LEKR1: variants seen among roughly 807,000 people sequenced by gnomAD.
LEKR1 encodes the protein protein LEKR1.
LEKR1 carries 59 observed loss-of-function variants against 72.4 expected under a neutral mutation model. The observed-to-expected ratio is 0.82, with a 90% CI of 0.66 to 1.01. The LOEUF is 1.01. Ranked by LOEUF, LEKR1 falls within the 50% of genes least tolerant of loss-of-function variation. The pLI is 0.00. For missense variants in LEKR1, 728 were observed against 759.2 expected (o/e 0.96, Z 0.48); for synonymous variants, 257 against 263.2 (o/e 0.98, Z 0.23).
chr3:156,941,363 A>T (rs1417089938), intron 5 of LEKR1, among the ~76,000 whole-genome samples: 1 of 151,942 alleles, frequency 6.6e-6, no homozygotes, highest in Non-Finnish European at 1.5e-5. Flanking sequence ...TACATTCGTG[A>T]TCCTCCTCAT....
chr3:156,953,377 C>T (rs1453534072), intron 6 of LEKR1, among the ~76,000 whole-genome samples: 2 of 151,426 alleles, frequency 1.3e-5, no homozygotes, highest in Non-Finnish European at 3.0e-5. Context: ...CTGGGGTACA[C>T]ATGCAGGATG....
At chr3:157,011,282 A>C in intron 9 of LEKR1, 131 bp from the exon 10 acceptor site, 1 of 616,382 alleles carries the variant, frequency 1.6e-6, no homozygotes, top group Non-Finnish European at 2.9e-6. Flanking sequence ...GATATGTAGT[A>C]GCAGCATATA....
At chr3:156,894,946 T>C (rs560301487) in intron 3 of LEKR1, among the ~76,000 whole-genome samples, 8 of 152,030 alleles carry the variant, frequency 5.3e-5, no homozygotes, top group Admixed American at 6.6e-5. Context: ...TAGAAGAAAA[T>C]TGAGGCAATA....
chr3:157,032,599 C>T (rs1022031274), intron 12 of LEKR1, among the ~76,000 whole-genome samples: 4 of 152,040 alleles, frequency 2.6e-5, no homozygotes, highest in African/African-American at 9.7e-5. Context: ...CCAAAGCTTA[C>T]AAAAATGGAA....
At chr3:156,859,118 T>C (rs1442844334) in intron 3 of LEKR1, among the ~76,000 whole-genome samples, 2 of 152,244 alleles carry the variant, frequency 1.3e-5, no homozygotes, top group African/African-American at 4.8e-5. Flanking sequence ...TTAATGGATA[T>C]AACTTTGTAA....
intron 3 of LEKR1, among the ~76,000 whole-genome samples, chr3:156,904,767 C>T (rs1419322812): frequency 2.0e-5 from 3 of 151,662 alleles, no homozygotes; most frequent in African/African-American, 4.8e-5. Flanking sequence ...CAAAGTGCTA[C>T]GATTATAGGC....
intron 9 of LEKR1, among the ~76,000 whole-genome samples, chr3:157,006,820 T>C (rs966227585): frequency 6.6e-6 from 1 of 152,202 alleles, no homozygotes; most frequent in Admixed American, 6.5e-5. Context: ...TTTCAGAATA[T>C]ATCTACATAT....
intron 3 of LEKR1, among the ~76,000 whole-genome samples, chr3:156,884,950 A>T (rs1719895716): frequency 1.3e-5 from 2 of 152,000 alleles, no homozygotes; most frequent in Admixed American, 6.6e-5. Context: ...ATAATCCCAA[A>T]TTTCTTGGAG....
rs1278075403 is a variant in LEKR1 at position 156,927,589 on chromosome 3, G to A, written c.544G>A (p.Glu182Lys). ...AVFLQIKSIS[E>K]TALTEIDILN... is the part of the protein sequence containing the mutation. ...TTTTCTACAAATTAAATCTATAAGT[G>A]AAACAGCCTTGACAGGTTTGTTACA... The change falls in exon 5 of 13, where the codon GAA becomes AAA. Residue 182 changes from glutamate (E) to lysine (K), a missense_variant. Glu to Lys is a moderately conservative substitution (Grantham distance 56, BLOSUM62 1). Transcript: ENST00000356539. 1 of 1,231,022 alleles carries A rather than the reference G, an allele frequency of 8.1e-7. No homozygotes were observed. Among genetic ancestry groups the A allele is most frequent in the Admixed American group, 3.3e-5 (1 of 29,872 alleles). 76.3% of individuals were successfully genotyped at this position (1,231,022 alleles called of 1,614,324 possible).
chr3:156,914,816 G>C (rs1017690870), intron 3 of LEKR1, among the ~76,000 whole-genome samples: 10 of 151,986 alleles, frequency 6.6e-5, no homozygotes, highest in Non-Finnish European at 1.5e-4. Context: ...TTAGGTTTGG[G>C]GTACATGTAC....
intron 12 of LEKR1, among the ~76,000 whole-genome samples, chr3:157,038,943 T>A (rs980387747): frequency 1.7e-4 from 26 of 152,204 alleles, no homozygotes; most frequent in African/African-American, 6.0e-4. Context: ...GCTACAGCAT[T>A]TTTTTCTTTT....
intron 3 of LEKR1, among the ~76,000 whole-genome samples, chr3:156,884,629 G>A (rs1013013666): frequency 6.6e-6 from 1 of 152,146 alleles, no homozygotes; most frequent in African/African-American, 2.4e-5. Context: ...GGCTTGTAAG[G>A]TTTCTGCTTA....
At chr3:156,831,907 T>TA (rs1312492304) in intron 2 of LEKR1, among the ~76,000 whole-genome samples, 3 of 152,334 alleles carry the variant, frequency 2.0e-5, no homozygotes, top group African/African-American at 7.2e-5. Flanking sequence ...TTCTCACTGT[T>TA]ACAATTTTTG....
intron 3 of LEKR1, among the ~76,000 whole-genome samples, chr3:156,896,180 C>A (rs1721161747): frequency 6.6e-6 from 1 of 151,972 alleles, no homozygotes; most frequent in Non-Finnish European, 1.5e-5. Context: ...GGGGAAAGAA[C>A]ACACACTGGG....
chr3:156,852,651 C>A (rs1238563039), intron 2 of LEKR1, 117 bp from the exon 3 acceptor site: 1 of 485,108 alleles, frequency 2.1e-6, no homozygotes, highest in Non-Finnish European at 3.6e-6. Context: ...AATTATTGCT[C>A]CAAGGCATAG....
chr3:156,950,618 G>T (rs1003987439), intron 6 of LEKR1, among the ~76,000 whole-genome samples: 3 of 151,164 alleles, frequency 2.0e-5, no homozygotes, highest in Non-Finnish European at 4.4e-5. Context: ...GTATGTGTGT[G>T]TGAGTATGTA....
Position 156,882,258 on chromosome 3 carries a change from G to A in LEKR1, c.263+29276G>A, listed in dbSNP as rs1423980722. ...AATTTTCGCAACCTACTCATCTGACGAAGGGCTAATATCCAGAATCTACAA... is the reference window on the plus strand; with the variant it reads ...AATTTTCGCAACCTACTCATCTGACAAAGGGCTAATATCCAGAATCTACAA... On this transcript the variant is annotated intron_variant, in intron 3 of 12. Coordinates refer to ENST00000356539, the MANE Select transcript of LEKR1 (RefSeq NM_001004316.3). Among the ~76,000 whole-genome samples the A allele has an allele frequency of 4.0e-4, 60 of 151,626 alleles. 1 individual carries two copies. The East Asian group carries it at 6.4e-3, about 16-fold the overall frequency.
intron 12 of LEKR1, among the ~76,000 whole-genome samples, chr3:157,043,216 C>A (rs1451871741): frequency 6.6e-6 from 1 of 152,182 alleles, no homozygotes; most frequent in African/African-American, 2.4e-5. Context: ...GTACAGGCTG[C>A]AGAATCATGA....
intron 5 of LEKR1, among the ~76,000 whole-genome samples, chr3:156,928,400 G>A (rs142245828): frequency 1.2e-3 from 187 of 152,018 alleles, no homozygotes; most frequent in African/African-American, 4.3e-3. Flanking sequence ...GGGGGATATG[G>A]GAATTCTCTG....
Sources: gnomAD v4.1 joint callset for allele counts (sites outside exome capture counted in the v4.1 genomes callset) on GRCh38, gnomAD v4.1.1 for gene constraint, MANE v1.5 for transcripts, NCBI Gene and HGNC (gene_info 2026-07-23, HGNC 2026-07-21) for gene names.